Variants in CHD6 observed in about 807,000 individuals in gnomAD.
The protein encoded by CHD6 is ATP-dependent chromatin remodeler CHD6.
Under a neutral mutation model 276.9 loss-of-function variants are expected in CHD6, and 50 were observed. The ratio of observed to expected loss-of-function variants is 0.18; its 90% CI spans 0.14 to 0.23. CHD6 has a LOEUF of 0.23. Among genes scored for constraint, CHD6 ranks in the 10% least tolerant of loss-of-function variants. The pLI is 1.00. For synonymous variants in CHD6, 1,173 were observed against 1,229.3 expected (o/e 0.95, Z 0.96); for missense variants, 2,564 against 3,365.8 (o/e 0.76, Z 5.89).
chr20:41,420,618 C>T lies in CHD6; in HGVS notation c.6017G>A (p.Gly2006Glu). 1.2e-6 allele frequency: 2 copies of T among 1,614,180 alleles called. No homozygotes were observed. Among genetic ancestry groups the T allele is most frequent in the Non-Finnish European group, 1.7e-6 (2 of 1,180,028 alleles). Residue 2006 changes from glycine to glutamate, a missense_variant, in exon 31 of 37, where the codon GGG becomes GAG. Transcript: ENST00000373233. ...AGGATATGTGGGGAAAACGTTTTGC[C>T]CCTCTGCACTTTCTTTCCAAGGTTC... ...LKEPWKESAE[G>E]QNVFPTYPLE... is the part of the protein sequence containing the mutation.
intron 31 of CHD6, among the ~76,000 whole-genome samples, chr20:41,419,742 C>T (rs959433880): frequency 3.3e-5 from 5 of 151,922 alleles, no homozygotes; most frequent in African/African-American, 1.2e-4. Context: ...TTTTTGTTCA[C>T]CCTAATAGGC....
intron 3 of CHD6, among the ~76,000 whole-genome samples, chr20:41,524,399 C>A (rs1358009681): frequency 6.6e-6 from 1 of 152,090 alleles, no homozygotes; most frequent in Non-Finnish European, 1.5e-5. Context: ...TCATCAACAC[C>A]TTCAAAATGG....
At chr20:41,506,418 T>C (rs2043977775) in intron 5 of CHD6, among the ~76,000 whole-genome samples, 1 of 152,198 alleles carries the variant, frequency 6.6e-6, no homozygotes, top group Non-Finnish European at 1.5e-5. Context: ...GGACTTTGTA[T>C]AGACTATTCC....
In CHD6 at chr20:41,404,243, C is replaced by T. The variant is rs1467019186; in HGVS notation, c.*350G>A. ...GTTCTTCCACCCTTCAATGGTAAAA[C>T]CCTAGACAGCTTTCTTTTGCCATTT... On this transcript the variant is annotated 3_prime_UTR_variant, in exon 37 of 37. Coordinates refer to ENST00000373233, the MANE Select transcript of CHD6 (RefSeq NM_032221.5). The T allele has an allele frequency of 1.8e-6, 2 of 1,082,388 alleles. No homozygotes were observed. The highest frequency in any genetic ancestry group is 1.6e-5 in the African/African-American group (1 of 61,702). 67.0% of individuals were successfully genotyped at this position (1,082,388 alleles called of 1,614,324 possible). A position where few individuals can be genotyped will look rare whatever the true frequency, so the allele number is the denominator to read the frequency against.
intron 17 of CHD6, among the ~76,000 whole-genome samples, chr20:41,471,315 G>C (rs1228709218): frequency 1.3e-5 from 2 of 152,188 alleles, no homozygotes; most frequent in African/African-American, 4.8e-5. Flanking sequence ...ATAGTGAGCT[G>C]ATCAAATATT....
chr20:41,571,160 G>A (rs2045411474), intron 1 of CHD6, among the ~76,000 whole-genome samples: 1 of 152,000 alleles, frequency 6.6e-6, no homozygotes, highest in Admixed American at 6.6e-5. Context: ...CTGTGAGAAG[G>A]ATATATCATG....
intron 3 of CHD6, among the ~76,000 whole-genome samples, chr20:41,521,845 A>T (rs4812520): frequency 2.0e-5 from 3 of 152,096 alleles, no homozygotes; most frequent in African/African-American, 7.2e-5. Context: ...ATGACAAATA[A>T]GTTAGCTTGA....
chr20:41,448,182 T>G (rs984065775), intron 23 of CHD6, among the ~76,000 whole-genome samples: 1 of 152,154 alleles, frequency 6.6e-6, no homozygotes, highest in Non-Finnish European at 1.5e-5. Context: ...ACATCAGTTA[T>G]CTGTTAGATC....
Position 41,533,345 on chromosome 20 carries a change from C to T in CHD6, c.259G>A (p.Gly87Arg), listed in dbSNP as rs771533922. Residue 87 changes from glycine to arginine, a missense_variant, in exon 3 of 37, where the codon GGA becomes AGA. Gly to Arg is a moderately radical substitution (Grantham distance 125). Around this residue, in one of 7 missense-constraint regions of CHD6, gnomAD observed 286 missense variants for 297.8 expected, o/e 0.96. Coordinates refer to ENST00000373233, the MANE Select transcript of CHD6 (RefSeq NM_032221.5). ...TTCTTCTTCACTCCAGTACCTCCTC[C>T]TCCACTGTCCTCCATCCCATTATGG... ...TSHNGMEDSG[G>R]GGTGVKKKRK... is the part of the protein sequence containing the mutation. The T allele has an allele frequency of 1.9e-6, 3 of 1,614,146 alleles. No homozygotes were observed. Among genetic ancestry groups the T allele is most frequent in the Admixed American group, 3.3e-5 (2 of 60,020 alleles).
chr20:41,492,826 CAGG>C (rs748468926), intron 10 of CHD6, among the ~76,000 whole-genome samples: 18 of 152,222 alleles, frequency 1.2e-4, no homozygotes, highest in Non-Finnish European at 2.4e-4. Flanking sequence ...GAGTCCAAGG[CAGG>C]AGAATTGCTT....
rs55864139 is a variant in CHD6, at chr20:41,420,939, T to C, written c.5696A>G (p.Asn1899Ser). 1.9e-6 allele frequency: 3 copies of C among 1,614,172 alleles called. No homozygotes were observed. In the South Asian group the frequency reaches 3.3e-5, roughly 18 times the overall value. The change falls in exon 31 of 37, where the codon AAC becomes AGC. Residue 1899 changes from asparagine (N) to serine (S), a missense_variant. By Grantham distance (46) the Asn-to-Ser change is conservative. Coordinates refer to ENST00000373233, the MANE Select transcript of CHD6 (RefSeq NM_032221.5). ...EVLHLTEPTT[N>S]ISREKNQGFQ... ...GCCTTGGTTCTTTTCCCTTGAGATGTTAGTAGTGGGCTCCGTGAGATGCAA... is the reference window on the plus strand; with the variant it reads ...GCCTTGGTTCTTTTCCCTTGAGATGCTAGTAGTGGGCTCCGTGAGATGCAA...
At chr20:41,464,782 A>T (rs1436066238) in intron 17 of CHD6, among the ~76,000 whole-genome samples, 1 of 152,186 alleles carries the variant, frequency 6.6e-6, no homozygotes, top group Non-Finnish European at 1.5e-5. Flanking sequence ...AGTAAAAGAA[A>T]GCAAGGATCG....
At chr20:41,547,812 G>A (rs2045071926) in intron 2 of CHD6, 1 of 498,076 alleles carries the variant, frequency 2.0e-6, no homozygotes, top group Non-Finnish European at 4.0e-6. Context: ...AACTATTAAA[G>A]AGCTCCTGGG....
chr20:41,498,678 G>C, intron 6 of CHD6, among the ~76,000 whole-genome samples: 1 of 152,056 alleles, frequency 6.6e-6, no homozygotes, highest in East Asian at 1.9e-4. Flanking sequence ...ACATACTCTA[G>C]CACTCCAAGA....
At chr20:41,451,207 T>C in intron 22 of CHD6, 102 bp from the exon 23 acceptor site, 1 of 1,044,188 alleles carries the variant, frequency 9.6e-7, no homozygotes, top group South Asian at 1.5e-5. Flanking sequence ...AGAGTTGGGC[T>C]GTGCTCTGGA....
intron 27 of CHD6, among the ~76,000 whole-genome samples, chr20:41,427,943 G>A (rs1300265263): frequency 6.6e-6 from 1 of 152,170 alleles, no homozygotes; most frequent in Non-Finnish European, 1.5e-5. Context: ...GCTGAGAAAT[G>A]CTCTACAGTC....
chr20:41,539,857 T>C (rs1448214348), intron 2 of CHD6, among the ~76,000 whole-genome samples: 2 of 152,204 alleles, frequency 1.3e-5, no homozygotes, highest in Non-Finnish European at 2.9e-5. Flanking sequence ...TCTGGAATAA[T>C]ACTACGCAAC....
intron 5 of CHD6, among the ~76,000 whole-genome samples, chr20:41,505,671 T>C (rs979396358): frequency 1.6e-4 from 24 of 152,342 alleles, no homozygotes; most frequent in Non-Finnish European, 2.8e-4. Flanking sequence ...TTAACTCTTA[T>C]TACCGGAGCA....
intron 5 of CHD6, among the ~76,000 whole-genome samples, chr20:41,504,426 T>TTTTTTA (rs2043926591): frequency 7.5e-6 from 1 of 132,662 alleles, no homozygotes; most frequent in African/African-American, 2.8e-5. Flanking sequence ...TTTTTTTTTT[T>TTTTTTA]AGACAGGATC....
Sources: gnomAD v4.1 joint callset for allele counts (sites outside exome capture counted in the v4.1 genomes callset) on GRCh38, gnomAD v4.1.1 for gene constraint, gnomAD v4.1.1 regional missense constraint, MANE v1.5 for transcripts, NCBI Gene and HGNC (gene_info 2026-07-23, HGNC 2026-07-21) for gene names.